The following WDPCP variants were observed in gnomAD, a reference collection of about 807,000 sequenced individuals.
WDPCP encodes WD repeat containing planar cell polarity effector, also known as WD repeat-containing and planar cell polarity effector protein fritz homolog.
In WDPCP, 71 loss-of-function variants were observed where a neutral mutation model predicts 93.1. That is an observed-to-expected ratio of 0.76 (90% CI 0.63 to 0.93). The LOEUF (loss-of-function observed/expected upper bound fraction) is 0.93. Ranked by LOEUF, WDPCP falls within the 40% of genes least tolerant of loss-of-function variation. The pLI, the probability that WDPCP is intolerant of heterozygous loss-of-function variation, is 0.00. For synonymous variants in WDPCP, 315 were observed against 315.0 expected (o/e 1.00, Z 0.00); for missense variants, 844 against 887.4 (o/e 0.95, Z 0.62).
intron 1 of WDPCP, among the ~76,000 whole-genome samples, chr2:63,825,145 G>A (rs905095238): frequency 4.6e-5 from 7 of 152,162 alleles, no homozygotes; most frequent in Non-Finnish European, 8.8e-5. Flanking sequence ...AATAAATGCC[G>A]GTGAATACAG....
chr2:63,576,659 T>C (rs1041934285), intron 1 of WDPCP, among the ~76,000 whole-genome samples: 7 of 152,204 alleles, frequency 4.6e-5, no homozygotes, highest in African/African-American at 1.7e-4. Flanking sequence ...CTAGAGGTTG[T>C]GGGGTTCAGC....
rs79863471 is a variant in WDPCP at position 63,261,168 on chromosome 2, C to T, written c.1813-1759G>A. 7.4e-3 allele frequency among the ~76,000 whole-genome samples: 830 copies of T among 111,794 alleles called. 12 individuals are homozygous for T. The highest frequency in any genetic ancestry group is 1.0e-2 in the Non-Finnish European group (525 of 52,566). The allele number at this position is 111,794 out of a possible 152,430, so 73.3% of individuals were successfully genotyped here. A position where few individuals can be genotyped will look rare whatever the true frequency, so the allele number is the denominator to read the frequency against. On this transcript the variant is annotated intron_variant, in intron 13 of 17. Coordinates refer to ENST00000272321, the MANE Select transcript of WDPCP (RefSeq NM_015910.7). The stretch of plus-strand genomic sequence containing the variant: ...CTGCATCACATACTTCCTGCACTGT[C>T]GAAAGGTTTTTTTTTTTTCTGTTTT...
At chr2:63,786,572 T>C (rs1046602488) in intron 2 of WDPCP, among the ~76,000 whole-genome samples, 2 of 152,176 alleles carry the variant, frequency 1.3e-5, no homozygotes, top group African/African-American at 4.8e-5. Context: ...CTTACCTCCA[T>C]GAAAATGGTG....
intron 14 of WDPCP, among the ~76,000 whole-genome samples, chr2:63,207,743 G>A (rs1158497416): frequency 2.0e-5 from 3 of 152,022 alleles, no homozygotes; most frequent in Non-Finnish European, 2.9e-5. Flanking sequence ...GTCATGATGT[G>A]CTCTTTCATT....
intron 3 of WDPCP, chr2:63,594,616 T>C (rs770366182): frequency 6.9e-7 from 1 of 1,451,770 alleles, no homozygotes; most frequent in Admixed American, 1.7e-5. Context: ...AATCTTAAGT[T>C]ATTAGAGTAA....
intron 14 of WDPCP, among the ~76,000 whole-genome samples, chr2:63,226,461 G>T (rs1678298249): frequency 6.6e-6 from 1 of 151,682 alleles, no homozygotes; most frequent in Non-Finnish European, 1.5e-5. Context: ...TGAAATTCCT[G>T]ACCTGAGTCA....
rs771717832 is a variant in WDPCP at position 63,605,381 on chromosome 2, T to G, written n.488+45278A>C. ...GTGACCACGTCAGGGACATCTGGTT[T>G]GGAACCCCAGAGGTAAGGATTTAGT... is the stretch of plus-strand genomic sequence containing the variant. On this transcript the variant is annotated intron_variant and non_coding_transcript_variant, in intron 3 of 4. Coordinates refer to the WDPCP transcript ENST00000467687. The G allele has an allele frequency of 1.1e-5, 17 of 1,612,988 alleles. No individual in the cohort carries two copies. In the South Asian group the frequency reaches 1.9e-4, roughly 18 times the overall value.
rs1553412903 is a variant in WDPCP at position 63,500,454 on chromosome 2, G to GTGTGTGTGTGTGTGTGT, written c.76-7515_76-7514insACACACACACACACACA. Among the ~76,000 whole-genome samples the GTGTGTGTGTGTGTGTGT allele has an allele frequency of 1.2e-3, 180 of 149,576 alleles. 3 individuals carry two copies. Among genetic ancestry groups the GTGTGTGTGTGTGTGTGT allele is most frequent in the African/African-American group, 4.1e-3 (168 of 40,520 alleles). On this transcript the variant is annotated intron_variant, in intron 1 of 17. Transcript: ENST00000272321. ...GCCTTGAAAGAGAAAATGGTGTGGG[G>GTGTGTGTGTGTGTGTGT]GTGTGTGTGTGTGTGTGTGTGTGTG...
chr2:63,299,715 T>C (rs189311393), intron 13 of WDPCP, among the ~76,000 whole-genome samples: 7 of 152,322 alleles, frequency 4.6e-5, no homozygotes, highest in Admixed American at 3.3e-4. Flanking sequence ...ACAAAGTTGT[T>C]GCTCTGCGAC....
intron 17 of WDPCP, among the ~76,000 whole-genome samples, chr2:63,141,736 C>A (rs1317277793): frequency 6.6e-6 from 1 of 152,060 alleles, no homozygotes; most frequent in African/African-American, 2.4e-5. Flanking sequence ...CTGAATGTCT[C>A]CTGTGAATCC....
chr2:63,605,192 C>A, intron 3 of WDPCP: 1 of 864,410 alleles, frequency 1.2e-6, no homozygotes. Context: ...CTGGTCATAG[C>A]TTTTCACCCC....
chr2:63,495,615 T>C (rs1202933078), intron 1 of WDPCP, among the ~76,000 whole-genome samples: 3 of 152,222 alleles, frequency 2.0e-5, no homozygotes, highest in Non-Finnish European at 4.4e-5. Flanking sequence ...CTCAGCTTAG[T>C]AGCTAACTTG....
intron 3 of WDPCP, chr2:63,599,023 G>T: frequency 1.9e-6 from 1 of 529,484 alleles, no homozygotes; most frequent in Non-Finnish European, 3.1e-6. Context: ...AACTTAAAAT[G>T]CATTTTCCTA....
intron 2 of WDPCP, among the ~76,000 whole-genome samples, chr2:63,795,468 C>T (rs966171155): frequency 2.0e-5 from 3 of 148,568 alleles, no homozygotes; most frequent in Admixed American, 6.7e-5. Context: ...GAGTTTGAAT[C>T]CAACCTGGGC....
intron 2 of WDPCP, chr2:63,752,012 C>T (rs79969201): frequency 1.6e-6 from 1 of 629,060 alleles, no homozygotes; most frequent in Non-Finnish European, 3.0e-6. Context: ...CTGAAACAAC[C>T]TCCACAACCA....
intron 3 of WDPCP, chr2:63,605,420 C>T (rs1411856929): frequency 7.5e-6 from 11 of 1,474,822 alleles, no homozygotes; most frequent in Non-Finnish European, 9.5e-6. Flanking sequence ...TTGCACAGGT[C>T]ACTCTATTTT....
At chr2:63,662,787 T>C (rs946057495) in intron 2 of WDPCP, among the ~76,000 whole-genome samples, 1 of 152,232 alleles carries the variant, frequency 6.6e-6, no homozygotes, top group African/African-American at 2.4e-5. Context: ...CCTAGGTGTG[T>C]TTGCCATTCA....
intron 3 of WDPCP, among the ~76,000 whole-genome samples, chr2:63,623,005 C>T (rs542413715): frequency 1.3e-5 from 2 of 152,308 alleles, no homozygotes; most frequent in Non-Finnish European, 2.9e-5. Flanking sequence ...GTTGTCCGAC[C>T]GCGCGCCACT....
chr2:63,163,339 G>A (rs1021716688), intron 15 of WDPCP, among the ~76,000 whole-genome samples: 2 of 151,992 alleles, frequency 1.3e-5, no homozygotes, highest in Admixed American at 1.3e-4. Flanking sequence ...ATCTTCTTTG[G>A]AAAGATGTTT....
Sources: gnomAD v4.1 joint callset for allele counts (sites outside exome capture counted in the v4.1 genomes callset) on GRCh38, gnomAD v4.1.1 for gene constraint, MANE v1.5 for transcripts, NCBI Gene and HGNC (gene_info 2026-07-23, HGNC 2026-07-21) for gene names.